The following BAIAP2L1 variants were observed in gnomAD, a reference collection of about 807,000 sequenced individuals.
BAIAP2L1 encodes BAR/IMD domain-containing adapter protein 2-like 1.
BAIAP2L1 carries 35 observed loss-of-function variants against 66.3 expected under a neutral mutation model. The ratio of observed to expected loss-of-function variants is 0.53; its 90% CI spans 0.40 to 0.70. The LOEUF (loss-of-function observed/expected upper bound fraction) is 0.70, where lower values mean the gene tolerates loss of function less well. Ranked by LOEUF, BAIAP2L1 falls within the 30% of genes least tolerant of loss-of-function variation. The probability of loss-of-function intolerance (pLI) is 0.00; values close to 1 mark genes in which losing one functional copy is unlikely to be tolerated. For missense variants in BAIAP2L1, 622 were observed against 656.9 expected, an observed-to-expected ratio of 0.95 and a Z score of 0.58; for synonymous variants, 269 against 248.7, an observed-to-expected ratio of 1.08 and a Z score of -0.77.
intron 12 of BAIAP2L1, among the ~76,000 whole-genome samples, chr7:98,300,532 G>A (rs975442113): frequency 1.2e-4 from 19 of 152,236 alleles, no homozygotes; most frequent in African/African-American, 4.3e-4. Flanking sequence ...TGGAGGCCAA[G>A]AAGCTGCTGG....
intron 2 of BAIAP2L1, 182 bp from the exon 3 acceptor site, chr7:98,355,310 C>A (rs1802094412): frequency 6.6e-6 from 4 of 608,232 alleles, no homozygotes; most frequent in Non-Finnish European, 1.2e-5. Context: ...GGCCCTCCAG[C>A]CAAGGGACAG....
chr7:98,354,844 A>C (rs1802082931), intron 3 of BAIAP2L1, among the ~76,000 whole-genome samples, 198 bp downstream of exon 3: 1 of 152,152 alleles, frequency 6.6e-6, no homozygotes, highest in Admixed American at 6.5e-5. Flanking sequence ...CCAGAAAACA[A>C]GGCCTCCACT....
intron 1 of BAIAP2L1, among the ~76,000 whole-genome samples, chr7:98,370,658 T>G (rs1802491135): frequency 6.6e-6 from 1 of 151,886 alleles, no homozygotes; most frequent in Non-Finnish European, 1.5e-5. Flanking sequence ...CCCGCCACCA[T>G]GCCCAGCTAA....
intron 12 of BAIAP2L1, among the ~76,000 whole-genome samples, chr7:98,296,485 T>C (rs6975519): frequency 0.89 from 135,372 of 152,072 alleles, 60,721 homozygotes; most frequent in Non-Finnish European, 0.95. Context: ...ATTAGCTGGG[T>C]GTGGTGGCGC....
chr7:98,393,301 C>A lies in BAIAP2L1; in HGVS notation c.51+7501G>T, dbSNP rs1310174464. On this transcript the variant is annotated intron_variant, in intron 1 of 13. Coordinates refer to ENST00000005260, the MANE Select transcript of BAIAP2L1 (RefSeq NM_018842.5). ...AGGTGATCCATCCTCCTCGGCCTCC[C>A]ACAGTGCTGGGATTACAGGTGTGAG... Among the ~76,000 whole-genome samples the A allele has an allele frequency of 2.6e-5, 4 of 151,884 alleles. No individual in the cohort carries two copies. The East Asian group carries it at 7.7e-4, about 29-fold the overall frequency.
intron 3 of BAIAP2L1, among the ~76,000 whole-genome samples, chr7:98,345,592 G>T (rs1286146492): frequency 1.3e-5 from 2 of 152,064 alleles, no homozygotes; most frequent in East Asian, 1.9e-4. Context: ...GGGTGTGGTG[G>T]GGGGGTACTG....
At chr7:98,310,640 G>T in intron 8 of BAIAP2L1, 48 bp from the exon 9 acceptor site, 1 of 1,389,810 alleles carries the variant, frequency 7.2e-7, no homozygotes, top group Non-Finnish European at 9.6e-7. Context: ...TGCAGAACCG[G>T]AATTACACAG....
chr7:98,337,195 T>C (rs902687362), intron 3 of BAIAP2L1, among the ~76,000 whole-genome samples: 1 of 151,892 alleles, frequency 6.6e-6, no homozygotes, highest in African/African-American at 2.4e-5. Context: ...GTCTGAAAGA[T>C]CTCTGACCAA....
chr7:98,310,935 C>T (rs958391491), intron 8 of BAIAP2L1, among the ~76,000 whole-genome samples: 13 of 152,076 alleles, frequency 8.5e-5, no homozygotes, highest in African/African-American at 3.1e-4. Context: ...ATCTGCCCGC[C>T]TAGGCCTCCC....
chr7:98,355,279 TGAGAGTGGTGCCGGGGTG>T lies in BAIAP2L1; in HGVS notation c.128-169_128-152del, dbSNP rs1373910991. 20 of 643,626 alleles carry T rather than the reference TGAGAGTGGTGCCGGGGTG, an allele frequency of 3.1e-5. No individual in the cohort carries two copies. The East Asian group carries it at 5.2e-4, about 17-fold the overall frequency. 39.9% of individuals were successfully genotyped at this position (643,626 alleles called of 1,614,324 possible). A position where few individuals can be genotyped will look rare whatever the true frequency, so the allele number is the denominator to read the frequency against. ...GGCTCTCAGGAGGTAAGACCTGTGT[TGAGAGTGGTGCCGGGGTG>T]GAGGCCCTCCAGCCAAGGGACAGCC... is the stretch of plus-strand genomic sequence containing the variant. On this transcript the variant is annotated intron_variant, in intron 2 of 13. Transcript: ENST00000005260.
At chr7:98,356,279 G>A (rs1199373244) in intron 2 of BAIAP2L1, among the ~76,000 whole-genome samples, 2 of 152,132 alleles carry the variant, frequency 1.3e-5, no homozygotes, top group African/African-American at 2.4e-5. Flanking sequence ...TATTGAAGAT[G>A]TATGATAGAG....
intron 3 of BAIAP2L1, among the ~76,000 whole-genome samples, chr7:98,347,203 A>G (rs2115659891): frequency 6.6e-6 from 1 of 152,028 alleles, no homozygotes; most frequent in Middle Eastern, 3.4e-3. Flanking sequence ...TATTTACACC[A>G]CTCCTGGTAG....
At chr7:98,386,849 G>A (rs1368380338) in intron 1 of BAIAP2L1, among the ~76,000 whole-genome samples, 5 of 151,764 alleles carry the variant, frequency 3.3e-5, no homozygotes, top group South Asian at 2.1e-4. Flanking sequence ...ACAGGCGCCC[G>A]CCACTGCACC....
intron 1 of BAIAP2L1, among the ~76,000 whole-genome samples, chr7:98,380,192 C>T (rs1022667623): frequency 2.0e-5 from 3 of 151,814 alleles, no homozygotes; most frequent in Admixed American, 2.0e-4. Context: ...ATCCTTCTGC[C>T]TCAGCCTCCC....
At chr7:98,382,203 G>T (rs1245133687) in intron 1 of BAIAP2L1, among the ~76,000 whole-genome samples, 1 of 152,078 alleles carries the variant, frequency 6.6e-6, no homozygotes, top group African/African-American at 2.4e-5. Flanking sequence ...TTATAGGCGT[G>T]AGCAACCGTG....
chr7:98,400,425 A>C, intron 1 of BAIAP2L1: 1 of 166,512 alleles, frequency 6.0e-6, no homozygotes, highest in Non-Finnish European at 1.1e-5. Flanking sequence ...ACGGGGGAGA[A>C]GGAAGAACCA....
intron 3 of BAIAP2L1, among the ~76,000 whole-genome samples, chr7:98,332,072 C>T (rs759997096): frequency 2.6e-5 from 4 of 151,914 alleles, no homozygotes; most frequent in African/African-American, 4.8e-5. Context: ...TAGGTCGGAA[C>T]TTTGGATCTA....
Position 98,312,232 on chromosome 7 carries a change from C to T in BAIAP2L1, c.672G>A (p.Arg224=), listed in dbSNP as rs377452409. 4 of 1,613,284 alleles carry T rather than the reference C, an allele frequency of 2.5e-6. No individual in the cohort carries two copies. Among genetic ancestry groups the T allele is most frequent in the Non-Finnish European group, 3.4e-6 (4 of 1,179,790 alleles). The part of the protein sequence containing the change: ...SAELLNSKLP[R]WQETCVDAIK... ...TGGCATCAACACAGGTCTCCTGCCA[C>T]CGAGGCAGCTTGGAATTCAGTAGTT... is the stretch of plus-strand genomic sequence containing the variant. The change falls in exon 8 of 14, where the codon CGG becomes CGA. Residue 224 remains arginine (R), a synonymous_variant. Transcript: ENST00000005260.
intron 1 of BAIAP2L1, among the ~76,000 whole-genome samples, chr7:98,379,378 C>T (rs1802706943): frequency 6.6e-6 from 1 of 152,166 alleles, no homozygotes; most frequent in Non-Finnish European, 1.5e-5. Flanking sequence ...CACATCGCTA[C>T]AGACACAAAG....
Sources: gnomAD v4.1 joint callset for allele counts (sites outside exome capture counted in the v4.1 genomes callset) on GRCh38, gnomAD v4.1.1 for gene constraint, MANE v1.5 for transcripts, NCBI Gene and HGNC (gene_info 2026-07-23, HGNC 2026-07-21) for gene names.